PANX2: variants seen among roughly 807,000 people sequenced by gnomAD.
PANX2 encodes pannexin-2.
In PANX2, 30 loss-of-function variants were observed where a neutral mutation model predicts 38.7. The ratio of observed to expected loss-of-function variants is 0.78; its 90% CI spans 0.58 to 1.05. The LOEUF (loss-of-function observed/expected upper bound fraction) is 1.05, where lower values mean the gene tolerates loss of function less well. PANX2 is among the 50% of genes least tolerant of loss of function. The probability of loss-of-function intolerance (pLI) is 0.00; values close to 1 mark genes in which losing one functional copy is unlikely to be tolerated. For missense variants in PANX2, 880 were observed against 979.3 expected (o/e 0.90, Z 1.35); for synonymous variants, 539 against 472.1 (o/e 1.14, Z -1.84).
In PANX2 at chr22:50,177,324, C is replaced by T. The variant is rs754215172; in HGVS notation, c.612C>T (p.Ser204=). 55 of 1,610,844 alleles carry T rather than the reference C, an allele frequency of 3.4e-5. No individual in the cohort carries two copies. Among genetic ancestry groups the T allele is most frequent in the Non-Finnish European group, 4.6e-5 (54 of 1,179,156 alleles). Residue 204 remains serine (S), a synonymous_variant, in exon 2 of 3, where the codon AGC becomes AGT. Coordinates refer to ENST00000395842, the MANE Select transcript of PANX2 (RefSeq NM_052839.4). ...EIIENAEKEK[S]PEQNLFEKYL... ...TCGAGAACGCGGAGAAGGAGAAGAG[C>T]CCGGAGCAGAACCTGTTCGAGAAGT...
Position 50,179,016 on chromosome 22 carries a change from C to T in PANX2, c.1773C>T (p.Val591=). The change falls in exon 3 of 3, where the codon GTC becomes GTT. Residue 591 remains valine (V), a synonymous_variant. Coordinates refer to ENST00000395842, the MANE Select transcript of PANX2 (RefSeq NM_052839.4). ...AGLPSGGPFH[V]RSPPAAPAVA... is the part of the protein sequence containing the mutation. ...TTCCCTCGGGGGGCCCGTTCCACGT[C>T]CGCTCACCTCCCGCCGCCCCTGCTG... 6.2e-7 allele frequency: 1 copy of T among 1,610,628 alleles called. No homozygotes were observed. Among genetic ancestry groups the T allele is most frequent in the Admixed American group, 1.7e-5 (1 of 59,852 alleles).
chr22:50,171,656 A>T (rs1479660511), intron 1 of PANX2, among the ~76,000 whole-genome samples: 1 of 152,180 alleles, frequency 6.6e-6, no homozygotes, highest in Non-Finnish European at 1.5e-5. Context: ...AGGAAGATGG[A>T]CAGAGCAGCC....
Position 50,178,216 on chromosome 22 carries a change from CCGCCCGCCCCT to C in PANX2, c.1505_1515del (p.Pro502ArgfsTer258). ...CGGCCCCGCCCCTGCCCCCGCCCCG[CCGCCCGCCCCT>C]GACAAGAAGCACGCGCGCCACTTCT... On this transcript the variant is annotated frameshift_variant, in exon 2 of 3. Coordinates refer to ENST00000395842, the MANE Select transcript of PANX2 (RefSeq NM_052839.4). LOFTEE classifies it high-confidence loss of function. 14 of 1,469,086 alleles carry C rather than the reference CCGCCCGCCCCT, an allele frequency of 9.5e-6. No homozygotes were observed. The highest frequency in any genetic ancestry group is 1.2e-5 in the Non-Finnish European group (13 of 1,120,774). The allele number at this position is 1,469,086 out of a possible 1,614,324, so 91.0% of individuals were successfully genotyped here. A position where few individuals can be genotyped will look rare whatever the true frequency, so the allele number is the denominator to read the frequency against.
At chr22:50,172,544 C>T (rs541034031) in intron 1 of PANX2, among the ~76,000 whole-genome samples, 1 of 151,258 alleles carries the variant, frequency 6.6e-6, no homozygotes, top group African/African-American at 2.4e-5. Flanking sequence ...TGCCTCAGCC[C>T]CGAGCCCCCA....
In PANX2 at chr22:50,176,979, C is replaced by A; in HGVS notation, c.267C>A (p.Arg89=). 1.3e-6 allele frequency: 2 copies of A among 1,570,156 alleles called. No homozygotes were observed. Among genetic ancestry groups the A allele is most frequent in the Non-Finnish European group, 8.6e-7 (1 of 1,165,004 alleles). The stretch of plus-strand genomic sequence containing the variant: ...GTTACACCCCGCACAACTTCACGCG[C>A]GACCAGGCGCTGTACGCCCGCGGCT... ...IYCYTPHNFT[R]DQALYARGYC... The change falls in exon 2 of 3, where the codon CGC becomes CGA. Residue 89 remains arginine, a synonymous_variant. Coordinates refer to ENST00000395842, the MANE Select transcript of PANX2 (RefSeq NM_052839.4).
intron 1 of PANX2, among the ~76,000 whole-genome samples, chr22:50,173,432 T>C (rs1311228228): frequency 6.6e-6 from 1 of 152,258 alleles, no homozygotes; most frequent in African/African-American, 2.4e-5. Context: ...TCATCATCCT[T>C]GGAGGGCCGA....
Position 50,179,230 on chromosome 22 carries a change from G to T in PANX2, c.1987G>T (p.Ala663Ser), listed in dbSNP as rs374847055. ...CCCTGCCCCACAGCAGATCCTCATC[G>T]CCACCTTCGACGAGCCGAGAACGGT... Reference protein sequence around the residue: ...AIPAPQQILIATFDEPRTVVS... With the variant: ...AIPAPQQILISTFDEPRTVVS... Residue 663 changes from alanine to serine, a missense_variant, in exon 3 of 3, where the codon GCC (alanine) becomes TCC (serine). Physicochemically the swap from Ala to Ser is moderately conservative, Grantham distance 99. This residue lies in a region of PANX2 where 445 missense variants were observed against 404.3 expected (regional missense o/e 1.10). Coordinates refer to ENST00000395842, the MANE Select transcript of PANX2 (RefSeq NM_052839.4). 3.1e-6 allele frequency: 5 copies of T among 1,612,558 alleles called. No homozygotes were observed. The South Asian group carries it at 5.5e-5, about 18-fold the overall frequency.
chr22:50,175,784 G>A (rs1031863506), intron 1 of PANX2, among the ~76,000 whole-genome samples: 3 of 152,248 alleles, frequency 2.0e-5, no homozygotes, highest in African/African-American at 7.2e-5. Context: ...GGGGCTCGTT[G>A]CTGAGCCGGG....
intron 2 of PANX2, 46 bp from the exon 3 acceptor site, chr22:50,178,888 G>C: frequency 1.4e-6 from 2 of 1,473,550 alleles, no homozygotes; most frequent in Non-Finnish European, 1.8e-6. Context: ...TGGGGGCGGC[G>C]CAGCGGAGGA....
chr22:50,171,392 T>C (rs2147056543), intron 1 of PANX2, among the ~76,000 whole-genome samples: 1 of 152,270 alleles, frequency 6.6e-6, no homozygotes, highest in East Asian at 1.9e-4. Context: ...GTTCCCAGGC[T>C]GGACTTGGGT....
At position 50,179,312 on chromosome 22, in the gene PANX2, T is replaced by C. The variant is rs772002693; in HGVS notation, c.*35T>C. ...CCGTCCAGGCCGCCGAGAGCCCCTC[T>C]GCCTGTGTCGTGTGGCCTGGCCAGC... is the stretch of plus-strand genomic sequence containing the variant. On this transcript the variant is annotated 3_prime_UTR_variant, in exon 3 of 3. Coordinates refer to ENST00000395842, the MANE Select transcript of PANX2 (RefSeq NM_052839.4). 1.5e-5 allele frequency: 23 copies of C among 1,577,374 alleles called. No individual in the cohort carries two copies. Among genetic ancestry groups the C allele is most frequent in the Non-Finnish European group, 2.0e-5 (23 of 1,154,804 alleles).
At position 50,177,383 on chromosome 22, in the gene PANX2, C is replaced by A; in HGVS notation, c.671C>A (p.Ala224Asp). 6.2e-7 allele frequency: 1 copy of A among 1,609,542 alleles called. No individual in the cohort carries two copies. Among genetic ancestry groups the A allele is most frequent in the Non-Finnish European group, 8.5e-7 (1 of 1,178,424 alleles). The change falls in exon 2 of 3, where the codon GCC becomes GAC. Residue 224 changes from alanine (A) to aspartate (D), a missense_variant. Around this residue, in one of 4 missense-constraint regions of PANX2, gnomAD observed 243 missense variants for 333.1 expected, o/e 0.73. Transcript: ENST00000395842. ...CGCCGCGGCCGCAGCAACTTCCTGG[C>A]CAAGCTGTACCTGGCGCGGCACGTG... The part of the protein sequence containing the change: ...LERRGRSNFL[A>D]KLYLARHVLI...
In PANX2 at chr22:50,176,958, C is replaced by T. The variant is rs2063664188; in HGVS notation, c.246C>T (p.Tyr82=). Residue 82 remains tyrosine (Y), a synonymous_variant, in exon 2 of 3, where the codon TAC becomes TAT. Transcript: ENST00000395842. ...CCCCAGAGGAACCCATTTACTGTTACACCCCGCACAACTTCACGCGCGACC... is the reference window on the plus strand; with the variant it reads ...CCCCAGAGGAACCCATTTACTGTTATACCCCGCACAACTTCACGCGCGACC... ...KNFAEEPIYC[Y]TPHNFTRDQA... 1 of 1,548,528 alleles carries T rather than the reference C, an allele frequency of 6.5e-7. No individual in the cohort carries two copies. The highest frequency in any genetic ancestry group is 8.7e-7 in the Non-Finnish European group (1 of 1,155,462).
chr22:50,177,757 A>G lies in PANX2; in HGVS notation c.1045A>G (p.Met349Val). Residue 349 changes from methionine to valine, a missense_variant, in exon 2 of 3, where the codon ATG becomes GTG. By Grantham distance (21) the Met-to-Val change is conservative. Coordinates refer to ENST00000395842, the MANE Select transcript of PANX2 (RefSeq NM_052839.4). ...GTTCTGCGACATCAACATCCTGGCC[A>G]TGTTCTGCAACGAGAACCGCGACCA... ...SQFCDINILA[M>V]FCNENRDHIK... The G allele has an allele frequency of 6.2e-7, 1 of 1,608,692 alleles. No homozygotes were observed. The highest frequency in any genetic ancestry group is 1.1e-5 in the South Asian group (1 of 91,076).
chr22:50,179,446 C>T lies in PANX2; in HGVS notation c.*169C>T, dbSNP rs545827177. 1.1e-5 allele frequency: 7 copies of T among 637,976 alleles called. No homozygotes were observed. The highest frequency in any genetic ancestry group is 3.9e-5 in the South Asian group (2 of 50,842). The allele number at this position is 637,976 out of a possible 1,614,324, so 39.5% of individuals were successfully genotyped here. A position where few individuals can be genotyped will look rare whatever the true frequency, so the allele number is the denominator to read the frequency against. On this transcript the variant is annotated 3_prime_UTR_variant, in exon 3 of 3. Transcript: ENST00000395842. ...GGGGCCTTCGCCCCCACGTGCTCGA[C>T]AGGGGAACCCGCCCGGACGGCATCG...
At chr22:50,176,680 T>G (rs1371205879) in intron 1 of PANX2, among the ~76,000 whole-genome samples, 3 of 151,902 alleles carry the variant, frequency 2.0e-5, no homozygotes, top group Non-Finnish European at 4.4e-5. Flanking sequence ...ATGGCTCAGG[T>G]GGTTTCGCAG....
At chr22:50,171,032 G>T in intron 1 of PANX2, 76 bp downstream of exon 1, 1 of 744,950 alleles carries the variant, frequency 1.3e-6, no homozygotes, top group Non-Finnish European at 2.0e-6. Context: ...CGCTTCCCGC[G>T]TCCCCGGCGG....
At chr22:50,171,076 C>A in intron 1 of PANX2, 120 bp downstream of exon 1, 2 of 407,248 alleles carry the variant, frequency 4.9e-6, no homozygotes, top group Non-Finnish European at 4.3e-6. Flanking sequence ...GGCCTGGCTG[C>A]GTCCGCGGCG....
rs1238942282 is a variant in PANX2 at position 50,177,873 on chromosome 22, G to C, written c.1161G>C (p.Ala387=). Residue 387 remains alanine, a synonymous_variant, in exon 2 of 3, where the codon GCG becomes GCC. Transcript: ENST00000395842. The part of the protein sequence containing the change: ...NVVRQLLAAL[A]QSNHDATPTV... ...TCCGGCAGCTGCTGGCGGCGCTGGC[G>C]CAGTCCAACCACGACGCCACCCCCA... The C allele has an allele frequency of 6.4e-7, 1 of 1,561,686 alleles. No homozygotes were observed. Among genetic ancestry groups the C allele is most frequent in the East Asian group, 2.3e-5 (1 of 42,634 alleles).
Sources: gnomAD v4.1 joint callset for allele counts (sites outside exome capture counted in the v4.1 genomes callset) on GRCh38, gnomAD v4.1.1 for gene constraint, gnomAD v4.1.1 regional missense constraint, MANE v1.5 for transcripts, NCBI Gene and HGNC (gene_info 2026-07-23, HGNC 2026-07-21) for gene names.